SRGAP2B: variants seen among roughly 807,000 people sequenced by gnomAD.
The protein encoded by SRGAP2B is SLIT-ROBO Rho GTPase activating protein 2B.
SRGAP2B carries 9 observed loss-of-function variants against 22.2 expected under a neutral mutation model. The observed-to-expected ratio is 0.41, with a 90% CI of 0.24 to 0.71. The LOEUF is 0.71. SRGAP2B is among the 30% of genes least tolerant of loss of function. The pLI is 0.35. For missense variants in SRGAP2B, 114 were observed against 235.8 expected (o/e 0.48, Z 3.38); for synonymous variants, 36 against 87.4 (o/e 0.41, Z 3.28).
rs587633417 is a variant in SRGAP2B at position 144,931,148 on chromosome 1, G to A, written c.424-16394C>T. On this transcript the variant is annotated intron_variant, in intron 4 of 9. Transcript: ENST00000612199. The stretch of plus-strand genomic sequence containing the variant: ...CTCCCCCTCCATGCTCACAAACTCC[G>A]TACTTTTTCATCTTTAATTACTGAA... 2.9e-4 allele frequency among the ~76,000 whole-genome samples: 44 copies of A among 149,524 alleles called. No individual in the cohort carries two copies. The East Asian group carries it at 7.8e-3, about 26-fold the overall frequency.
At chr1:144,932,501 G>C (rs1369294304) in intron 4 of SRGAP2B, among the ~76,000 whole-genome samples, 2 of 150,620 alleles carry the variant, frequency 1.3e-5, no homozygotes, top group Non-Finnish European at 2.9e-5. Context: ...GATGGGGTCA[G>C]GGTCTCCAAG....
At chr1:144,940,911 A>G (rs1322003658) in intron 4 of SRGAP2B, among the ~76,000 whole-genome samples, 14 of 149,776 alleles carry the variant, frequency 9.3e-5, no homozygotes, top group Non-Finnish European at 1.8e-4. Context: ...GCAACATTTA[A>G]AAGAAGATGC....
At chr1:144,920,987 C>T (rs1198311927) in intron 4 of SRGAP2B, among the ~76,000 whole-genome samples, 11 of 149,266 alleles carry the variant, frequency 7.4e-5, no homozygotes, top group African/African-American at 2.8e-4. Flanking sequence ...ATAAAGAGTC[C>T]ATCAGCAAAT....
At chr1:144,894,056 ATGGAATCTGAAGGAGCT>A (rs1440207377) in intron 8 of SRGAP2B, among the ~76,000 whole-genome samples, 3 of 144,548 alleles carry the variant, frequency 2.1e-5, no homozygotes, top group Middle Eastern at 3.5e-3. Context: ...CCGAGAGGGT[ATGGAATCTGAAGGAGCT>A]TGGCATTTTC....
At chr1:144,970,327 A>T (rs1177155641) in intron 3 of SRGAP2B, among the ~76,000 whole-genome samples, 1 of 91,260 alleles carries the variant, frequency 1.1e-5, no homozygotes, top group Non-Finnish European at 2.1e-5. Flanking sequence ...ATAAAAAATG[A>T]TGAGTTCATG....
chr1:145,069,877 AC>A (rs1553633105), intron 2 of SRGAP2B, among the ~76,000 whole-genome samples: 1 of 148,680 alleles, frequency 6.7e-6, no homozygotes, highest in Non-Finnish European at 1.5e-5. Context: ...ACAACGGTTG[AC>A]ACTAAAGATC....
At chr1:144,963,872 T>C (rs1276523457) in intron 3 of SRGAP2B, among the ~76,000 whole-genome samples, 1 of 151,464 alleles carries the variant, frequency 6.6e-6, no homozygotes, top group Non-Finnish European at 1.5e-5. Flanking sequence ...TAGCAAATTG[T>C]ACTGTAGTAT....
chr1:145,017,341 A>G (rs1672502038), intron 2 of SRGAP2B, among the ~76,000 whole-genome samples: 1 of 147,936 alleles, frequency 6.8e-6, no homozygotes, highest in Non-Finnish European at 1.5e-5. Context: ...TATTATGTCA[A>G]CTTGATTTAA....
chr1:145,003,654 C>CATG (rs1182431393), intron 2 of SRGAP2B, among the ~76,000 whole-genome samples: 2 of 149,020 alleles, frequency 1.3e-5, no homozygotes, highest in Non-Finnish European at 3.0e-5. Context: ...AAGTTTGTGT[C>CATG]ATGATGAATG....
intron 4 of SRGAP2B, 137 bp downstream of exon 4, chr1:144,955,302 A>G (rs1305237665): frequency 3.9e-5 from 17 of 436,086 alleles, no homozygotes; most frequent in Non-Finnish European, 6.9e-5. Context: ...AGTTTGTTAC[A>G]TGGGTAAATT....
At chr1:144,939,387 G>A (rs1396954589) in intron 4 of SRGAP2B, among the ~76,000 whole-genome samples, 1 of 150,456 alleles carries the variant, frequency 6.6e-6, no homozygotes, top group Non-Finnish European at 1.5e-5. Context: ...CCTCTATGAA[G>A]CTCTCCTGAC....
intron 5 of SRGAP2B, among the ~76,000 whole-genome samples, chr1:144,912,107 T>C (rs1390373205): frequency 2.0e-5 from 3 of 147,174 alleles, no homozygotes; most frequent in African/African-American, 8.1e-5. Flanking sequence ...CCCGCCACCA[T>C]GCCCAGCTAT....
intron 6 of SRGAP2B, among the ~76,000 whole-genome samples, 182 bp downstream of exon 6, chr1:144,905,677 G>A (rs1169619347): frequency 1.3e-5 from 2 of 149,698 alleles, no homozygotes; most frequent in Non-Finnish European, 2.9e-5. Context: ...CACGTGCCCA[G>A]TTCTTCCAAT....
intron 5 of SRGAP2B, 28 bp downstream of exon 5, chr1:144,914,663 TA>T: frequency 3.7e-6 from 2 of 536,158 alleles, no homozygotes; most frequent in South Asian, 2.1e-5. Context: ...CTCTGCTTGT[TA>T]AAGAGCCAAG....
At chr1:145,015,561 C>CG (rs1268644994) in intron 2 of SRGAP2B, among the ~76,000 whole-genome samples, 1 of 148,144 alleles carries the variant, frequency 6.8e-6, no homozygotes, top group African/African-American at 2.6e-5. Flanking sequence ...GGGAAAAAGA[C>CG]GATGCTGTAG....
At chr1:145,086,654 C>A (rs1327400820) in intron 2 of SRGAP2B, among the ~76,000 whole-genome samples, 15 of 60,390 alleles carry the variant, frequency 2.5e-4, no homozygotes, top group African/African-American at 1.1e-3. Context: ...TGCAATCCAG[C>A]CTGGGTGACA....
intron 2 of SRGAP2B, among the ~76,000 whole-genome samples, chr1:145,015,690 A>G (rs1211982441): frequency 6.9e-6 from 1 of 145,256 alleles, no homozygotes; most frequent in Non-Finnish European, 1.5e-5. Context: ...AGCATGTTCA[A>G]AGGCCCAGAG....
At chr1:144,894,352 CAG>C (rs1486451337) in intron 8 of SRGAP2B, among the ~76,000 whole-genome samples, 1 of 27,976 alleles carries the variant, frequency 3.6e-5, no homozygotes, top group African/African-American at 2.2e-4. Flanking sequence ...CTCTTGCCTG[CAG>C]AGAGACATCT....
intron 2 of SRGAP2B, among the ~76,000 whole-genome samples, chr1:145,009,544 C>T (rs1290963100): frequency 1.4e-5 from 2 of 147,028 alleles, no homozygotes; most frequent in East Asian, 2.0e-4. Flanking sequence ...GCCGAGATCC[C>T]GCCACTGCAC....
Sources: gnomAD v4.1 joint callset for allele counts (sites outside exome capture counted in the v4.1 genomes callset) on GRCh38, gnomAD v4.1.1 for gene constraint, MANE v1.5 for transcripts, NCBI Gene and HGNC (gene_info 2026-07-23, HGNC 2026-07-21) for gene names.